The following CUX2 variants were observed in gnomAD, a reference collection of about 807,000 sequenced individuals.
CUX2 encodes the protein cut like homeobox 2, also known as homeobox protein cut-like 2.
Under a neutral mutation model 144.8 loss-of-function variants are expected in CUX2, and 40 were observed. The ratio of observed to expected loss-of-function variants is 0.28; its 90% CI spans 0.21 to 0.36. The LOEUF (loss-of-function observed/expected upper bound fraction) is 0.36. CUX2 is among the 10% of genes least tolerant of loss of function. The pLI, the probability that CUX2 is intolerant of heterozygous loss-of-function variation, is 1.00. For synonymous variants in CUX2, 827 were observed against 875.6 expected (o/e 0.94, Z 0.98); for missense variants, 1,615 against 1,994.0 (o/e 0.81, Z 3.62).
intron 21 of CUX2, among the ~76,000 whole-genome samples, chr12:111,346,027 C>T (rs11065876): frequency 0.019 from 2,819 of 151,466 alleles, 85 homozygotes; most frequent in African/African-American, 0.062. Flanking sequence ...ATCACTTGAA[C>T]CCGGGAGGCA....
intron 1 of CUX2, among the ~76,000 whole-genome samples, chr12:111,141,766 A>G (rs756176384): frequency 6.6e-6 from 1 of 152,192 alleles, no homozygotes; most frequent in Non-Finnish European, 1.5e-5. Flanking sequence ...AATATTTGCT[A>G]TGGTGACCGT....
At chr12:111,341,665 A>G in intron 20 of CUX2, 115 bp from the exon 21 acceptor site, 1 of 1,258,188 alleles carries the variant, frequency 7.9e-7, no homozygotes, top group South Asian at 1.4e-5. Flanking sequence ...AGCTTAGGGC[A>G]TGATGGCCTC....
chr12:111,053,443 C>T (rs77687480), intron 1 of CUX2, among the ~76,000 whole-genome samples: 1,807 of 152,328 alleles, frequency 0.012, 36 homozygotes, highest in African/African-American at 0.042. Context: ...CATGGACACA[C>T]AGCATTTCCC....
intron 6 of CUX2, among the ~76,000 whole-genome samples, chr12:111,294,100 G>A (rs1477496890): frequency 2.6e-5 from 4 of 152,320 alleles, no homozygotes; most frequent in East Asian, 1.9e-4. Context: ...TTGGGAAGCC[G>A]AGGCAGGAGG....
chr12:111,255,062 C>G lies in CUX2; in HGVS notation c.223-8699C>G, dbSNP rs550552105. On this transcript the variant is annotated intron_variant, in intron 3 of 21. Coordinates refer to ENST00000261726, the MANE Select transcript of CUX2 (RefSeq NM_015267.4). The surrounding 1 kb of genome is among the most constrained non-coding windows in gnomAD (Gnocchi z 4.1). ...ATGTTGGCCAGGCTGGTCTCGAACT[C>G]CTGACCACAGATGATCCCTCCGCCT... Among the ~76,000 whole-genome samples, 3 of 152,314 alleles carry G rather than the reference C, an allele frequency of 2.0e-5. No individual in the cohort carries two copies. Among genetic ancestry groups the G allele is most frequent in the Non-Finnish European group, 4.4e-5 (3 of 68,028 alleles).
At chr12:111,292,656 T>A (rs1051764838) in intron 5 of CUX2, among the ~76,000 whole-genome samples, 1 of 152,124 alleles carries the variant, frequency 6.6e-6, no homozygotes, top group African/African-American at 2.4e-5. Context: ...CCACGTAATG[T>A]ACGATTCTGT....
At chr12:111,051,033 A>G (rs1395337899) in intron 1 of CUX2, among the ~76,000 whole-genome samples, 1 of 152,238 alleles carries the variant, frequency 6.6e-6, no homozygotes, top group African/African-American at 2.4e-5. Flanking sequence ...TGGGTGATGG[A>G]TATCCTAAAT....
intron 3 of CUX2, among the ~76,000 whole-genome samples, chr12:111,253,559 C>T (rs1281603737): frequency 6.6e-6 from 1 of 152,180 alleles, no homozygotes; most frequent in Non-Finnish European, 1.5e-5. Context: ...GACTGTCCCA[C>T]ATTCTCTTTC....
chr12:111,227,907 T>A (rs936652969), intron 3 of CUX2, among the ~76,000 whole-genome samples: 3 of 152,186 alleles, frequency 2.0e-5, no homozygotes, highest in Non-Finnish European at 4.4e-5. Context: ...CCAGATACCT[T>A]TCCTGTCCTC....
chr12:111,304,613 A>C lies in CUX2; in HGVS notation c.858+299A>C, dbSNP rs940497541. Among the ~76,000 whole-genome samples, 3 of 152,066 alleles carry C rather than the reference A, an allele frequency of 2.0e-5. No individual in the cohort carries two copies. Among genetic ancestry groups the C allele is most frequent in the Admixed American group, 6.6e-5 (1 of 15,258 alleles). On this transcript the variant is annotated intron_variant, in intron 10 of 21. Coordinates refer to ENST00000261726, the MANE Select transcript of CUX2 (RefSeq NM_015267.4). The surrounding 1 kb of genome is among the most constrained non-coding windows in gnomAD (Gnocchi z 4.7). ...TCCTTTGGAGGCCTCCCTTATCCCC[A>C]ATTATCCAAGAATGCCAGGAACTTC... is the stretch of plus-strand genomic sequence containing the variant.
At chr12:111,271,073 G>T (rs879537058) in intron 4 of CUX2, among the ~76,000 whole-genome samples, 1 of 152,162 alleles carries the variant, frequency 6.6e-6, no homozygotes, top group Non-Finnish European at 1.5e-5. Flanking sequence ...TGACATCAGG[G>T]TATAACAGTT....
chr12:111,298,546 A>T lies in CUX2; in HGVS notation c.710A>T (p.Asp237Val). 6.3e-7 allele frequency: 1 copy of T among 1,579,460 alleles called. No homozygotes were observed. The highest frequency in any genetic ancestry group is 8.6e-7 in the Non-Finnish European group (1 of 1,162,118). ...GCCTCATCTTTGTGTCTCAGGGCAG[A>T]TGAAGTCGGCCTGATCATGACCAAC... ...KYDEEAASKA[D>V]EVGLIMTNLE... The change falls in exon 9 of 22, where the codon GAT becomes GTT. Residue 237 changes from aspartate to valine, a missense_variant. This residue lies in a region of CUX2 where 295 missense variants were observed against 400.2 expected (regional missense o/e 0.74). Coordinates refer to ENST00000261726, the MANE Select transcript of CUX2 (RefSeq NM_015267.4).
chr12:111,268,624 C>T (rs910403044), intron 4 of CUX2, among the ~76,000 whole-genome samples: 1 of 152,204 alleles, frequency 6.6e-6, no homozygotes, highest in Non-Finnish European at 1.5e-5. Context: ...GAGGACATGG[C>T]GCTATGGCAC....
intron 1 of CUX2, among the ~76,000 whole-genome samples, chr12:111,149,507 G>A (rs924059232): frequency 6.6e-6 from 1 of 152,062 alleles, no homozygotes; most frequent in Non-Finnish European, 1.5e-5. Context: ...GTAGCACACC[G>A]CCCCCCACAA....
At chr12:111,308,560 G>A in intron 14 of CUX2, 34 bp downstream of exon 14, 1 of 1,563,108 alleles carries the variant, frequency 6.4e-7, no homozygotes, top group Non-Finnish European at 8.7e-7. Context: ...GCTGAGGGCT[G>A]GGGCGGGGGC....
chr12:111,147,682 C>T (rs962670162), intron 1 of CUX2, among the ~76,000 whole-genome samples: 83 of 152,306 alleles, frequency 5.4e-4, no homozygotes, highest in African/African-American at 2.0e-3. Context: ...CAAGCCTGCT[C>T]AGAGCTGGGC....
rs1879591130 is a variant in CUX2, at chr12:111,187,130, G to A, written c.64-27070G>A. ...GTATGAATGTGCTTAGAACTTGCCA[G>A]TGCAGAGCTGGGGCTATCCAGATGT... On this transcript the variant is annotated intron_variant, in intron 1 of 21. Coordinates refer to ENST00000261726, the MANE Select transcript of CUX2 (RefSeq NM_015267.4). Among the ~76,000 whole-genome samples the A allele has an allele frequency of 2.6e-5, 4 of 152,226 alleles. No individual in the cohort carries two copies. The South Asian group carries it at 8.3e-4, about 32-fold the overall frequency.
rs2136268540 is a variant in CUX2 at position 111,246,559 on chromosome 12, T to A, written c.223-17202T>A. Among the ~76,000 whole-genome samples, 1 of 152,290 alleles carries A rather than the reference T, an allele frequency of 6.6e-6. No homozygotes were observed. The highest frequency in any genetic ancestry group is 3.4e-3 in the Middle Eastern group (1 of 294). Reference sequence around the variant, plus strand: ...GAGAAGCTGGAAATCTTGATTTTTATGCAAAAAACAAAAATCTCCGGATTC... The same window carrying A: ...GAGAAGCTGGAAATCTTGATTTTTAAGCAAAAAACAAAAATCTCCGGATTC... On this transcript the variant is annotated intron_variant, in intron 3 of 21. Transcript: ENST00000261726. This position sits in a 1 kb window ranked among gnomAD's most constrained non-coding sequence, Gnocchi z 4.0.
intron 1 of CUX2, among the ~76,000 whole-genome samples, chr12:111,194,464 C>T (rs1256381695): frequency 6.6e-6 from 1 of 152,234 alleles, no homozygotes; most frequent in Admixed American, 6.5e-5. Flanking sequence ...CCAGTGATTA[C>T]AGTTCAGGAG....
Sources: gnomAD v4.1 joint callset for allele counts (sites outside exome capture counted in the v4.1 genomes callset) on GRCh38, gnomAD v4.1.1 for gene constraint, gnomAD v4.1.1 regional missense constraint, Gnocchi (gnomAD v3.1) non-coding constraint, MANE v1.5 for transcripts, NCBI Gene and HGNC (gene_info 2026-07-23, HGNC 2026-07-21) for gene names.